EPHA6: variants seen among roughly 807,000 people sequenced by gnomAD.
The protein encoded by EPHA6 is EPH receptor A6.
EPHA6 carries 50 observed loss-of-function variants against 112.0 expected under a neutral mutation model. That is an observed-to-expected ratio of 0.45 (90% CI 0.36 to 0.56). EPHA6 has a LOEUF of 0.56. Ranked by LOEUF, EPHA6 falls within the 20% of genes least tolerant of loss-of-function variation. EPHA6 has a pLI of 0.00. For missense variants in EPHA6, 1,280 were observed against 1,417.4 expected (o/e 0.90, Z 1.56); for synonymous variants, 529 against 490.7 (o/e 1.08, Z -1.03).
intron 2 of EPHA6, among the ~76,000 whole-genome samples, chr3:96,941,394 C>T (rs2040936210): frequency 6.6e-6 from 1 of 152,194 alleles, no homozygotes; most frequent in Non-Finnish European, 1.5e-5. Context: ...ATCGCATCGG[C>T]TCCTGAGGCT....
intron 3 of EPHA6, among the ~76,000 whole-genome samples, chr3:97,034,713 A>G (rs976637906): frequency 3.9e-5 from 6 of 151,930 alleles, no homozygotes; most frequent in Non-Finnish European, 7.4e-5. Flanking sequence ...TCAAATTAGC[A>G]TAAGCAGTCT....
At chr3:97,071,539 A>G (rs539601989) in intron 3 of EPHA6, among the ~76,000 whole-genome samples, 1 of 152,090 alleles carries the variant, frequency 6.6e-6, no homozygotes, top group African/African-American at 2.4e-5. Context: ...AAGAAGCAAA[A>G]GCAGAAACCC....
chr3:96,944,990 T>G (rs906158187), intron 2 of EPHA6, among the ~76,000 whole-genome samples: 6 of 152,140 alleles, frequency 3.9e-5, no homozygotes, highest in African/African-American at 1.2e-4. Context: ...TCTCCCCACC[T>G]CGGTCTGTGT....
At chr3:96,910,004 A>T (rs1039242899) in intron 2 of EPHA6, among the ~76,000 whole-genome samples, 4 of 151,996 alleles carry the variant, frequency 2.6e-5, no homozygotes, top group Non-Finnish European at 4.4e-5. Flanking sequence ...TCGCATAAAT[A>T]GCTTGTTAAT....
intron 2 of EPHA6, among the ~76,000 whole-genome samples, chr3:96,883,750 C>T (rs552689337): frequency 1.3e-5 from 2 of 152,146 alleles, no homozygotes; most frequent in South Asian, 4.1e-4. Context: ...ACTGCAACCT[C>T]CCACCTCCTG....
intron 3 of EPHA6, among the ~76,000 whole-genome samples, chr3:97,054,163 AACACACAC>A (rs138411869): frequency 4.3e-4 from 62 of 145,632 alleles, no homozygotes; most frequent in African/African-American, 1.3e-3. Flanking sequence ...ATAACTATCT[AACACACAC>A]ACACACACAC....
intron 11 of EPHA6, among the ~76,000 whole-genome samples, chr3:97,547,202 A>T (rs982387127): frequency 2.0e-5 from 3 of 151,798 alleles, no homozygotes; most frequent in African/African-American, 7.3e-5. Context: ...GGTTTTATCT[A>T]CCTTTGGTCT....
At position 97,097,010 on chromosome 3, in the gene EPHA6, A is replaced by G. The variant is rs1199973121; in HGVS notation, c.1114+109017A>G. 6.6e-5 allele frequency among the ~76,000 whole-genome samples: 10 copies of G among 151,846 alleles called. No homozygotes were observed. The South Asian group carries it at 1.7e-3, about 25-fold the overall frequency. ...AAACATTTATTTAAATAAAAATTCA[A>G]ATTCCAAAACAAAAAAATCCAATTG... On this transcript the variant is annotated intron_variant, in intron 3 of 17. Transcript: ENST00000389672.
intron 5 of EPHA6, among the ~76,000 whole-genome samples, chr3:97,274,851 A>G (rs893205432): frequency 1.3e-5 from 2 of 152,182 alleles, no homozygotes; most frequent in Admixed American, 1.3e-4. Flanking sequence ...ATAATGTGGG[A>G]GGCCGGATTG....
intron 10 of EPHA6, among the ~76,000 whole-genome samples, chr3:97,493,691 C>A (rs1479104655): frequency 6.6e-6 from 1 of 151,846 alleles, no homozygotes; most frequent in Non-Finnish European, 1.5e-5. Flanking sequence ...GATTTACTCA[C>A]TGTTATCCAA....
intron 1 of EPHA6, among the ~76,000 whole-genome samples, chr3:96,827,817 A>G (rs553932911): frequency 6.6e-6 from 1 of 152,270 alleles, no homozygotes; most frequent in South Asian, 2.1e-4. Flanking sequence ...AGGGGTCCCA[A>G]ATTCCTTTGC....
chr3:97,339,513 C>T (rs1280494868), intron 5 of EPHA6, among the ~76,000 whole-genome samples: 1 of 152,118 alleles, frequency 6.6e-6, no homozygotes, highest in African/African-American at 2.4e-5. Flanking sequence ...ATTTTAACAA[C>T]GTGGGCTTTG....
intron 3 of EPHA6, among the ~76,000 whole-genome samples, chr3:97,020,166 C>T (rs567419437): frequency 6.6e-6 from 1 of 152,292 alleles, no homozygotes; most frequent in East Asian, 1.9e-4. Flanking sequence ...CTGGTGCAGA[C>T]TGAGCCCCAA....
intron 5 of EPHA6, among the ~76,000 whole-genome samples, chr3:97,321,301 C>T (rs987424354): frequency 3.3e-5 from 5 of 151,858 alleles, no homozygotes; most frequent in Non-Finnish European, 5.9e-5. Context: ...GCCAATAATT[C>T]TTTAACTGGG....
At chr3:96,820,131 A>G (rs1256262089) in intron 1 of EPHA6, among the ~76,000 whole-genome samples, 1 of 152,120 alleles carries the variant, frequency 6.6e-6, no homozygotes, top group Admixed American at 6.6e-5. Flanking sequence ...TGAAAAACTG[A>G]GTCCAGGGTG....
At chr3:97,125,861 T>G (rs1041833351) in intron 3 of EPHA6, among the ~76,000 whole-genome samples, 27 of 152,290 alleles carry the variant, frequency 1.8e-4, no homozygotes, top group African/African-American at 6.5e-4. Flanking sequence ...TGCTTTCAGA[T>G]TGTTTTAGAG....
At chr3:97,610,032 G>A (rs1358509222) in intron 12 of EPHA6, among the ~76,000 whole-genome samples, 1 of 151,506 alleles carries the variant, frequency 6.6e-6, no homozygotes, top group Non-Finnish European at 1.5e-5. Context: ...TAATAGAGGT[G>A]TATTGGGAAC....
intron 14 of EPHA6, among the ~76,000 whole-genome samples, chr3:97,678,304 C>A (rs768812559): frequency 6.6e-6 from 1 of 152,150 alleles, no homozygotes; most frequent in Non-Finnish European, 1.5e-5. Context: ...AAGAAAACTT[C>A]ATTTTTGGTT....
chr3:97,401,525 T>A (rs1161649381), intron 5 of EPHA6, among the ~76,000 whole-genome samples: 1 of 151,944 alleles, frequency 6.6e-6, no homozygotes, highest in Admixed American at 6.6e-5. Context: ...AGTTATAATG[T>A]CTTCTTTTTT....
Sources: gnomAD v4.1 joint callset for allele counts (sites outside exome capture counted in the v4.1 genomes callset) on GRCh38, gnomAD v4.1.1 for gene constraint, MANE v1.5 for transcripts, NCBI Gene and HGNC (gene_info 2026-07-23, HGNC 2026-07-21) for gene names.